The following KIAA1210 variants were observed in gnomAD, a reference collection of about 807,000 sequenced individuals.
KIAA1210 encodes KIAA1210.
Under a neutral mutation model 78.9 loss-of-function variants are expected in KIAA1210, and 48 were observed. That is an observed-to-expected ratio of 0.61 (90% CI 0.48 to 0.77). The LOEUF is 0.77. Among genes scored for constraint, KIAA1210 ranks in the 30% least tolerant of loss-of-function variants. The probability of loss-of-function intolerance (pLI) is 0.00; values close to 1 mark genes in which losing one functional copy is unlikely to be tolerated. For synonymous variants in KIAA1210, 406 were observed against 404.5 expected (o/e 1.00, Z -0.04); for missense variants, 1,108 against 1,100.0 (o/e 1.01, Z -0.10).
chrX:119,148,840 G>T (rs191394732), intron 1 of KIAA1210, among the ~76,000 whole-genome samples: 6 of 111,166 alleles, frequency 5.4e-5, no homozygotes, highest in African/African-American at 2.0e-4. Context: ...ACATCTCCAC[G>T]ATGAGAAATG....
intron 6 of KIAA1210, 76 bp downstream of exon 6, chrX:119,104,916 G>A: frequency 1.0e-6 from 1 of 970,656 alleles, no homozygotes; most frequent in Admixed American, 2.9e-5. Context: ...GCTCCAGCGG[G>A]AGAATAGATG....
intron 2 of KIAA1210, among the ~76,000 whole-genome samples, chrX:119,146,044 G>T (rs968921845): frequency 1.8e-5 from 2 of 112,008 alleles, no homozygotes; most frequent in African/African-American, 6.5e-5. Flanking sequence ...CAATCACATC[G>T]CATTTTACAT....
upstream of KIAA1210, among the ~76,000 whole-genome samples, chrX:119,132,158 C>T (rs1928808133): frequency 8.9e-6 from 1 of 112,053 alleles, no homozygotes; most frequent in South Asian, 3.8e-4. Flanking sequence ...TAACCCTGTA[C>T]CTCAGAGGAG....
upstream of KIAA1210, among the ~76,000 whole-genome samples, chrX:119,132,620 T>C (rs576048010): frequency 3.6e-5 from 4 of 111,567 alleles, no homozygotes; most frequent in South Asian, 1.5e-3. Context: ...CAGGACAATG[T>C]CTTTAACCCC....
intron 11 of KIAA1210, among the ~76,000 whole-genome samples, chrX:119,081,775 C>T (rs1926976577): frequency 8.9e-6 from 1 of 112,273 alleles, no homozygotes; most frequent in Admixed American, 9.4e-5. Flanking sequence ...ATACCTATGG[C>T]TGTAACTGCC....
chrX:119,110,819 T>C (rs190711898), intron 3 of KIAA1210, among the ~76,000 whole-genome samples: 2 of 111,432 alleles, frequency 1.8e-5, no homozygotes, highest in African/African-American at 6.5e-5. Context: ...TGAAAGGAAA[T>C]CCCATGTTCA....
At chrX:119,127,291 A>G (rs1744363178) in intron 1 of KIAA1210, among the ~76,000 whole-genome samples, 1 of 109,488 alleles carries the variant, frequency 9.1e-6, no homozygotes, top group Non-Finnish European at 1.9e-5. Flanking sequence ...ATGGTAGGCT[A>G]ACATTGTCAT....
Position 119,105,126 on chromosome X carries a change from G to A in KIAA1210, c.514C>T (p.Arg172Ter). The A allele has an allele frequency of 4.1e-6, 5 of 1,205,843 alleles. No homozygotes were observed. Among genetic ancestry groups the A allele is most frequent in the Non-Finnish European group, 4.5e-6 (4 of 892,997 alleles). ...ATAACAGGTGGGATGATGCTGAGTCGGCGTCGGCGCGATGGTGGGTTCTGT... is the reference window on the plus strand; with the variant it reads ...ATAACAGGTGGGATGATGCTGAGTCAGCGTCGGCGCGATGGTGGGTTCTGT... ...ITENPPSRRR[R>*]LSIIPPVIQP... The change falls in exon 6 of 12, where the codon CGA becomes TGA. Residue 172 changes from arginine to a stop codon, truncating the protein, a stop_gained. Transcript: ENST00000691062. LOFTEE classifies it high-confidence loss of function.
intron 5 of KIAA1210, 106 bp from the exon 6 acceptor site, chrX:119,105,253 T>C (rs1185826663): frequency 1.2e-5 from 10 of 845,962 alleles, no homozygotes; most frequent in Middle Eastern, 4.5e-4. Context: ...CAAAGTTGGT[T>C]GAAGGACTAA....
intron 8 of KIAA1210, among the ~76,000 whole-genome samples, chrX:119,091,175 G>A (rs1247136377): frequency 1.8e-5 from 2 of 112,118 alleles, no homozygotes; most frequent in Non-Finnish European, 3.8e-5. Flanking sequence ...AACACAACGC[G>A]ATATCATCTT....
At chrX:119,132,947 T>C (rs1928828267) in intron 2 of KIAA1210, among the ~76,000 whole-genome samples, 1 of 111,528 alleles carries the variant, frequency 9.0e-6, no homozygotes, top group Non-Finnish European at 1.9e-5. Flanking sequence ...TTCAAACTAT[T>C]GCTGTACTTT....
At chrX:119,135,065 A>G (rs1360406920) in intron 2 of KIAA1210, among the ~76,000 whole-genome samples, 1 of 112,224 alleles carries the variant, frequency 8.9e-6, no homozygotes, top group Non-Finnish European at 1.9e-5. Context: ...CCCACTTCCC[A>G]GATGAGGAAA....
At chrX:119,120,979 G>C (rs915542889) in intron 2 of KIAA1210, among the ~76,000 whole-genome samples, 1 of 111,188 alleles carries the variant, frequency 9.0e-6, no homozygotes, top group African/African-American at 3.3e-5. Flanking sequence ...TATGTCTTCA[G>C]CCTGCTTTCC....
At chrX:119,116,743 G>A in intron 2 of KIAA1210, 79 bp from the exon 3 acceptor site, 2 of 942,181 alleles carry the variant, frequency 2.1e-6, no homozygotes, top group Non-Finnish European at 2.9e-6. Context: ...CTTCATGAGA[G>A]GAAAGAGGAC....
rs1328321561 is a variant in KIAA1210 at position 119,087,751 on chromosome X, T to G, written c.2951A>C (p.Gln984Pro). Reference protein sequence around the residue: ...GSPLPPQYATQFLKRSKVQEM... With the variant: ...GSPLPPQYATPFLKRSKVQEM... ...CTGAACTTTAGACCTCTTTAAGAAC[T>G]GGGTAGCATATTGGGGAGGCAATGG... The change falls in exon 9 of 12, where the codon CAG (glutamine) becomes CCG (proline). Residue 984 changes from glutamine to proline, a missense_variant. Physicochemically the swap from Gln to Pro is moderately conservative, Grantham distance 76. Coordinates refer to ENST00000691062, the MANE Select transcript of KIAA1210 (RefSeq NM_001394962.1). The G allele has an allele frequency of 8.3e-7, 1 of 1,210,183 alleles. No homozygotes were observed. The highest frequency in any genetic ancestry group is 1.7e-5 in the African/African-American group (1 of 57,207).
At chrX:119,083,194 C>T in intron 10 of KIAA1210, 74 bp from the exon 11 acceptor site, 1 of 751,108 alleles carries the variant, frequency 1.3e-6, no homozygotes, top group Admixed American at 2.7e-5. Context: ...TTCAGAGGAC[C>T]ATAGAGTGCA....
At chrX:119,103,961 G>C (rs1226391766) in intron 6 of KIAA1210, among the ~76,000 whole-genome samples, 1 of 111,941 alleles carries the variant, frequency 8.9e-6, no homozygotes, top group Non-Finnish European at 1.9e-5. Flanking sequence ...AATGGTGAAT[G>C]ACTGCTTAAT....
At chrX:119,099,250 C>T (rs1180488995) in intron 6 of KIAA1210, among the ~76,000 whole-genome samples, 1 of 112,740 alleles carries the variant, frequency 8.9e-6, no homozygotes, top group Non-Finnish European at 1.9e-5. Context: ...TTTAGTGAAA[C>T]TCATTCTATA....
At chrX:119,084,702 A>T (rs1927077101) in intron 10 of KIAA1210, among the ~76,000 whole-genome samples, 1 of 111,416 alleles carries the variant, frequency 9.0e-6, no homozygotes, top group Non-Finnish European at 1.9e-5. Flanking sequence ...CCACCAGATA[A>T]CTTACTCATG....
Sources: allele counts gnomAD v4.1 joint callset (sites outside exome capture counted in the v4.1 genomes callset), GRCh38; gene constraint gnomAD v4.1.1; transcripts MANE v1.5; gene names NCBI Gene and HGNC (gene_info 2026-07-23, HGNC 2026-07-21).